The following TTF2 variants were observed in gnomAD, a reference collection of about 807,000 sequenced individuals.
TTF2 encodes the protein RNA polymerase II termination factor.
Under a neutral mutation model 142.4 loss-of-function variants are expected in TTF2, and 108 were observed. That is an observed-to-expected ratio of 0.76 (90% CI 0.65 to 0.89). The LOEUF (loss-of-function observed/expected upper bound fraction) is 0.89. Among genes scored for constraint, TTF2 ranks in the 40% least tolerant of loss-of-function variants. The pLI is 0.00. For missense variants in TTF2, 1,327 were observed against 1,379.8 expected, an observed-to-expected ratio of 0.96 and a Z score of 0.61; for synonymous variants, 483 against 506.2, an observed-to-expected ratio of 0.95 and a Z score of 0.61.
intron 3 of TTF2, among the ~76,000 whole-genome samples, chr1:117,065,425 C>T (rs1656014632): frequency 1.3e-5 from 2 of 152,140 alleles, no homozygotes; most frequent in Admixed American, 6.5e-5. Flanking sequence ...GGTGAAACCC[C>T]ATCTCTACTA....
Position 117,092,654 on chromosome 1 carries a change from A to T in TTF2, c.2806-77A>T, listed in dbSNP as rs563130569. The T allele has an allele frequency of 8.8e-5, 133 of 1,505,202 alleles. No homozygotes were observed. In the East Asian group the frequency reaches 2.9e-3, roughly 33 times the overall value. 93.2% of individuals were successfully genotyped at this position (1,505,202 alleles called of 1,614,324 possible). ...TATTTTGCTCTGTGAAGTGGTAAAC[A>T]ATCAAAACATCATCAACAAGTAACA... On this transcript the variant is annotated intron_variant, in intron 17 of 22. Coordinates refer to ENST00000369466, the MANE Select transcript of TTF2 (RefSeq NM_003594.4). This position sits in a 1 kb window ranked among gnomAD's most constrained non-coding sequence, Gnocchi z 4.4.
rs553045907 is a variant in TTF2 at position 117,093,809 on chromosome 1, G to A, written c.2976+908G>A. On this transcript the variant is annotated intron_variant, in intron 18 of 22. Coordinates refer to ENST00000369466, the MANE Select transcript of TTF2 (RefSeq NM_003594.4). The surrounding 1 kb of genome is among the most constrained non-coding windows in gnomAD (Gnocchi z 4.5). ...GTGTTCCTTGTTTAATTAAATGCAGGTAATATTTATTCACAAGTTTTCTTA... is the reference window on the plus strand; with the variant it reads ...GTGTTCCTTGTTTAATTAAATGCAGATAATATTTATTCACAAGTTTTCTTA... Among the ~76,000 whole-genome samples, 114 of 152,220 alleles carry A rather than the reference G, an allele frequency of 7.5e-4. No homozygotes were observed. Among genetic ancestry groups the A allele is most frequent in the Non-Finnish European group, 1.3e-3 (88 of 68,010 alleles).
chr1:117,083,736 A>C (rs112082078), intron 10 of TTF2, among the ~76,000 whole-genome samples: 2,733 of 152,304 alleles, frequency 0.018, 81 homozygotes, highest in African/African-American at 0.062. Context: ...CTACTTCACT[A>C]TAGGCTCTGT....
At position 117,084,009 on chromosome 1, in the gene TTF2, C is replaced by T. The variant is rs1339305980; in HGVS notation, c.1904-9C>T. ...TGTAACTAGGCACTGATTTTTTTCC[C>T]TTCTCAAGACTCTTGTGACTTTACT... is the stretch of plus-strand genomic sequence containing the variant. On this transcript the variant is annotated splice_polypyrimidine_tract_variant and intron_variant, in intron 10 of 22. Coordinates refer to ENST00000369466, the MANE Select transcript of TTF2 (RefSeq NM_003594.4). The T allele has an allele frequency of 4.3e-6, 7 of 1,610,878 alleles. No homozygotes were observed. The Admixed American group carries it at 1.0e-4, about 23-fold the overall frequency.
In TTF2 at chr1:117,097,181, G is replaced by C. The variant is rs1012346451; in HGVS notation, c.3187-170G>C. Among the ~76,000 whole-genome samples the C allele has an allele frequency of 4.0e-5, 6 of 151,506 alleles. No individual in the cohort carries two copies. The highest frequency in any genetic ancestry group is 7.3e-5 in the African/African-American group (3 of 41,094). On this transcript the variant is annotated intron_variant, in intron 20 of 22. Transcript: ENST00000369466. The surrounding 1 kb of genome is among the most constrained non-coding windows in gnomAD (Gnocchi z 4.1). ...GATGTGAGAATTTTCTCAAAAGTGA[G>C]ACATGGGAGATAGCATTATAATGTT...
At chr1:117,094,007 C>G (rs1205018999) in intron 18 of TTF2, among the ~76,000 whole-genome samples, 2 of 152,216 alleles carry the variant, frequency 1.3e-5, no homozygotes, top group Non-Finnish European at 2.9e-5. Context: ...CTTCCACAAT[C>G]TCAAGTTGCC....
In TTF2 at chr1:117,079,479, A is replaced by G; in HGVS notation, c.1702-89A>G. The G allele has an allele frequency of 8.2e-7, 1 of 1,217,516 alleles. No individual in the cohort carries two copies. Among genetic ancestry groups the G allele is most frequent in the Non-Finnish European group, 1.2e-6 (1 of 825,618 alleles). 75.4% of individuals were successfully genotyped at this position (1,217,516 alleles called of 1,614,324 possible). A position where few individuals can be genotyped will look rare whatever the true frequency, so the allele number is the denominator to read the frequency against. ...AATACTGAGGGAATCATTTGTAGAA[A>G]ATAGGAGAGTGTAGAGTTCGTGTAG... On this transcript the variant is annotated intron_variant, in intron 8 of 22. Transcript: ENST00000369466. This position sits in a 1 kb window ranked among gnomAD's most constrained non-coding sequence, Gnocchi z 4.2.
At chr1:117,064,170 T>A (rs1199901982) in intron 3 of TTF2, among the ~76,000 whole-genome samples, 3 of 152,148 alleles carry the variant, frequency 2.0e-5, no homozygotes, top group African/African-American at 7.2e-5. Context: ...TTGGTAGAGT[T>A]CTTTGTAAAT....
intron 2 of TTF2, 37 bp from the exon 3 acceptor site, chr1:117,062,350 G>A: frequency 6.3e-7 from 1 of 1,590,850 alleles, no homozygotes; most frequent in Non-Finnish European, 8.6e-7. Context: ...CTCTGTTCCT[G>A]ACCTAAAAAT....
In TTF2 at chr1:117,092,553, T is replaced by C; in HGVS notation, c.2806-178T>C. On this transcript the variant is annotated intron_variant, in intron 17 of 22. Transcript: ENST00000369466. The surrounding 1 kb of genome is among the most constrained non-coding windows in gnomAD (Gnocchi z 4.4). ...AAAGTTCCATCATTTGGTTTATCTT[T>C]AATGTGGTGAAAAAACTTGCAAGAT... Among the ~76,000 whole-genome samples the C allele has an allele frequency of 6.6e-6, 1 of 152,246 alleles. No individual in the cohort carries two copies. Among genetic ancestry groups the C allele is most frequent in the East Asian group, 1.9e-4 (1 of 5,200 alleles).
At position 117,077,398 on chromosome 1, in the gene TTF2, C is replaced by G. The variant is rs1258830419; in HGVS notation, c.1574-518C>G. ...TGATTAGTCAGCTCAGTGGCTGGCACATAGGAGTCATCCAGTCAGCATTTG... is the reference window on the plus strand; with the variant it reads ...TGATTAGTCAGCTCAGTGGCTGGCAGATAGGAGTCATCCAGTCAGCATTTG... On this transcript the variant is annotated intron_variant, in intron 7 of 22. Transcript: ENST00000369466. Among the ~76,000 whole-genome samples the G allele has an allele frequency of 3.9e-5, 6 of 152,218 alleles. No homozygotes were observed. The East Asian group carries it at 1.2e-3, about 29-fold the overall frequency.
In TTF2 at chr1:117,090,203, C is replaced by T. The variant is rs756256145; in HGVS notation, c.2491C>T (p.Pro831Ser). The change falls in exon 14 of 23, where the codon CCT becomes TCT. Residue 831 changes from proline to serine, a missense_variant. Physicochemically the swap from Pro to Ser is moderately conservative, Grantham distance 74. Transcript: ENST00000369466. This position sits in a 1 kb window ranked among gnomAD's most constrained non-coding sequence, Gnocchi z 4.8. ...TKDQLDSTGR[P>S]LVILPQRKFQ... ...AGACCAGCTGGACTCTACTGGCAGA[C>T]CTTTGGTAATCAAGTTTGTACCTGT... 7 of 1,613,718 alleles carry T rather than the reference C, an allele frequency of 4.3e-6. No homozygotes were observed. The South Asian group carries it at 5.5e-5, about 13-fold the overall frequency.
At position 117,063,147 on chromosome 1, in the gene TTF2, T is replaced by C. The variant is rs1168312074; in HGVS notation, c.218+674T>C. Reference sequence around the variant, plus strand: ...GTCTTTGTGTGATATTCTATGCACTTCATAATTTATATATTCTAGATCCCC... The same window carrying C: ...GTCTTTGTGTGATATTCTATGCACTCCATAATTTATATATTCTAGATCCCC... On this transcript the variant is annotated intron_variant, in intron 3 of 22. Coordinates refer to ENST00000369466, the MANE Select transcript of TTF2 (RefSeq NM_003594.4). The surrounding 1 kb of genome is among the most constrained non-coding windows in gnomAD (Gnocchi z 4.1). Among the ~76,000 whole-genome samples the C allele has an allele frequency of 2.6e-5, 4 of 152,334 alleles. No homozygotes were observed. The highest frequency in any genetic ancestry group is 4.1e-4 in the South Asian group (2 of 4,832).
At chr1:117,095,951 G>A (rs1557831302) in intron 19 of TTF2, among the ~76,000 whole-genome samples, 198 bp from the exon 20 acceptor site, 1 of 152,000 alleles carries the variant, frequency 6.6e-6, no homozygotes. Context: ...ATAAATTGTA[G>A]AAAGGACCTA....
rs1647911167 is a variant in TTF2, at chr1:117,085,337, T to C, written c.2055-1080T>C. ...GGGAGGCCGAGGCAGGCAGATCACTTGAGCTCAGGAGTTCGAGACCAGCCT... is the reference window on the plus strand; with the variant it reads ...GGGAGGCCGAGGCAGGCAGATCACTCGAGCTCAGGAGTTCGAGACCAGCCT... On this transcript the variant is annotated intron_variant, in intron 11 of 22. Transcript: ENST00000369466. This position sits in a 1 kb window ranked among gnomAD's most constrained non-coding sequence, Gnocchi z 4.7. Among the ~76,000 whole-genome samples, 1 of 152,170 alleles carries C rather than the reference T, an allele frequency of 6.6e-6. No homozygotes were observed. The highest frequency in any genetic ancestry group is 2.4e-5 in the African/African-American group (1 of 41,436).
chr1:117,074,892 C>G lies in TTF2; in HGVS notation c.308C>G (p.Ser103Cys), dbSNP rs770761209. 11 of 1,591,430 alleles carry G rather than the reference C, an allele frequency of 6.9e-6. No homozygotes were observed. The South Asian group carries it at 1.3e-4, about 19-fold the overall frequency. ...PWQDPDSKEHSVSNKSQHASE... is the reference protein window; with the variant it reads ...PWQDPDSKEHCVSNKSQHASE... ...TAGGATCCTGATTCCAAAGAACATT[C>G]TGTATCCAATAAGTCTCAGCATGCA... Residue 103 changes from serine (S) to cysteine (C), a missense_variant, in exon 5 of 23, where the codon TCT becomes TGT. Coordinates refer to ENST00000369466, the MANE Select transcript of TTF2 (RefSeq NM_003594.4).
intron 18 of TTF2, among the ~76,000 whole-genome samples, chr1:117,094,304 A>G (rs1648893018): frequency 1.3e-5 from 2 of 152,128 alleles, no homozygotes; most frequent in African/African-American, 4.8e-5. Flanking sequence ...CAGAGGAAGA[A>G]CTTCTGTATA....
At position 117,087,567 on chromosome 1, in the gene TTF2, A is replaced by G. The variant is rs1570853006; in HGVS notation, c.2160+1045A>G. Among the ~76,000 whole-genome samples, 1 of 152,196 alleles carries G rather than the reference A, an allele frequency of 6.6e-6. No individual in the cohort carries two copies. Among genetic ancestry groups the G allele is most frequent in the East Asian group, 1.9e-4 (1 of 5,198 alleles). On this transcript the variant is annotated intron_variant, in intron 12 of 22. Transcript: ENST00000369466. The surrounding 1 kb of genome is among the most constrained non-coding windows in gnomAD (Gnocchi z 4.8). ...CTCGGCCTCCCAAAGTGCTGGGATT[A>G]TAGGCATGAGCCACCATGCCTGGCC... is the stretch of plus-strand genomic sequence containing the variant.
In TTF2 at chr1:117,077,994, AGTCATGTCCTGGTGAGACG is replaced by A; in HGVS notation, c.1655_1673del (p.Ser552LeufsTer9). 1 of 1,614,190 alleles carries A rather than the reference AGTCATGTCCTGGTGAGACG, an allele frequency of 6.2e-7. No individual in the cohort carries two copies. The highest frequency in any genetic ancestry group is 1.7e-5 in the Admixed American group (1 of 60,022). On this transcript the variant is annotated frameshift_variant, in exon 8 of 23. Coordinates refer to ENST00000369466, the MANE Select transcript of TTF2 (RefSeq NM_003594.4). LOFTEE classifies it high-confidence loss of function. ...ATCGGTCAACTGCATCGCTCACTTGAGTCATGTCCTGGTGAGACGGTTGTGGCAGAAGATCCCGCCGGGC... is the reference window on the plus strand; with the variant it reads ...ATCGGTCAACTGCATCGCTCACTTGAGTTGTGGCAGAAGATCCCGCCGGGC...
Sources: gnomAD v4.1 joint callset for allele counts (sites outside exome capture counted in the v4.1 genomes callset) on GRCh38, gnomAD v4.1.1 for gene constraint, Gnocchi (gnomAD v3.1) non-coding constraint, MANE v1.5 for transcripts, NCBI Gene and HGNC (gene_info 2026-07-23, HGNC 2026-07-21) for gene names.